Variants in CCDC169 observed in about 807,000 individuals in gnomAD.
CCDC169 encodes the protein coiled-coil domain containing 169.
Under a neutral mutation model 36.0 loss-of-function variants are expected in CCDC169, and 30 were observed. The ratio of observed to expected loss-of-function variants is 0.83; its 90% CI spans 0.62 to 1.13. The LOEUF is 1.13. CCDC169 is among the 50% of genes most tolerant of loss of function. The probability of loss-of-function intolerance (pLI) is 0.00; values close to 1 mark genes in which losing one functional copy is unlikely to be tolerated. For synonymous variants in CCDC169, 85 were observed against 81.5 expected (o/e 1.04, Z -0.23); for missense variants, 245 against 245.9 (o/e 1.00, Z 0.03).
At chr13:36,275,217 TA>T (rs910172430) in intron 4 of CCDC169, among the ~76,000 whole-genome samples, 71 of 147,678 alleles carry the variant, frequency 4.8e-4, no homozygotes, top group African/African-American at 1.4e-3. Context: ...AAAAAAAAAG[TA>T]AAAAAAAAAT....
rs1175693379 is a variant in CCDC169 at position 36,273,854 on chromosome 13, TCTTTAAG to T, written c.315+9608_315+9614del. On this transcript the variant is annotated intron_variant, in intron 4 of 7. Coordinates refer to ENST00000239859, the MANE Select transcript of CCDC169 (RefSeq NM_001144981.3). ...GTCCTTCGTTCTTTCTTCACTATTA[TCTTTAAG>T]CTTTAACACCTTGGTTTCTTCCTCC... Among the ~76,000 whole-genome samples, 9 of 152,306 alleles carry T rather than the reference TCTTTAAG, an allele frequency of 5.9e-5. No homozygotes were observed. In the East Asian group the frequency reaches 9.6e-4, roughly 16 times the overall value.
chr13:36,296,390 G>A (rs1879492946), intron 1 of CCDC169, among the ~76,000 whole-genome samples: 1 of 152,202 alleles, frequency 6.6e-6, no homozygotes, highest in African/African-American at 2.4e-5. Context: ...ACCAGGCCCG[G>A]CCCTTGGAAA....
downstream of CCDC169, chr13:36,227,395 T>C (rs979705575): frequency 6.5e-7 from 1 of 1,533,476 alleles, no homozygotes; most frequent in South Asian, 1.2e-5. Flanking sequence ...TTTGAAGAGA[T>C]GTGAATAGAA....
downstream of CCDC169, chr13:36,226,811 G>A (rs1480269276): frequency 1.2e-5 from 3 of 250,968 alleles, no homozygotes; most frequent in Admixed American, 5.5e-5. Context: ...AGGAAGAAAG[G>A]AGAGCAAACA....
At chr13:36,222,636 G>C (rs1345410462), downstream of CCDC169, 1 of 152,090 alleles carries the variant, frequency 6.6e-6, no homozygotes, top group African/African-American at 2.4e-5. Context: ...CCTAACAAAG[G>C]CTTGAAAAGA....
chr13:36,247,664 T>C (rs1416218669), intron 7 of CCDC169, among the ~76,000 whole-genome samples: 6 of 152,130 alleles, frequency 3.9e-5, no homozygotes, highest in South Asian at 2.1e-4. Context: ...TGCAATCTCA[T>C]GATAAAATTT....
intron 7 of CCDC169, among the ~76,000 whole-genome samples, chr13:36,232,657 G>A (rs1308838290): frequency 7.8e-5 from 5 of 63,812 alleles, no homozygotes; most frequent in African/African-American, 2.1e-4. Flanking sequence ...AAGATGAGCC[G>A]AGATTGCGCC....
intron 4 of CCDC169, among the ~76,000 whole-genome samples, chr13:36,274,023 C>A (rs1876447926): frequency 6.6e-6 from 1 of 152,108 alleles, no homozygotes; most frequent in Non-Finnish European, 1.5e-5. Flanking sequence ...CTGGTGTGGC[C>A]CAGAATTCCC....
At chr13:36,285,780 G>A (rs1878179240) in intron 2 of CCDC169, among the ~76,000 whole-genome samples, 1 of 152,068 alleles carries the variant, frequency 6.6e-6, no homozygotes, top group Non-Finnish European at 1.5e-5. Context: ...ATCAACATGG[G>A]ACAACACAAA....
chr13:36,230,504 CAA>C (rs1166545467), downstream of CCDC169, among the ~76,000 whole-genome samples: 4 of 152,168 alleles, frequency 2.6e-5, no homozygotes, highest in Non-Finnish European at 5.9e-5. Context: ...CCACACATCA[CAA>C]AATGACTTAA....
intron 7 of CCDC169, among the ~76,000 whole-genome samples, chr13:36,242,768 G>A (rs1871992512): frequency 6.6e-6 from 1 of 152,134 alleles, no homozygotes; most frequent in Non-Finnish European, 1.5e-5. Flanking sequence ...GCAGCTGAAT[G>A]GGCAGGTATA....
intron 4 of CCDC169, among the ~76,000 whole-genome samples, chr13:36,258,092 G>C (rs1051438531): frequency 6.6e-6 from 1 of 151,586 alleles, no homozygotes; most frequent in African/African-American, 2.4e-5. Flanking sequence ...TTTGACCCTA[G>C]TTTTCAAATC....
At chr13:36,291,120 C>T (rs1878832100) in intron 2 of CCDC169, among the ~76,000 whole-genome samples, 1 of 152,096 alleles carries the variant, frequency 6.6e-6, no homozygotes, top group Non-Finnish European at 1.5e-5. Flanking sequence ...CACACTATAC[C>T]TTCCCCCAAT....
chr13:36,294,690 T>G (rs1879268621), intron 2 of CCDC169, among the ~76,000 whole-genome samples: 1 of 151,940 alleles, frequency 6.6e-6, no homozygotes, highest in African/African-American at 2.4e-5. Flanking sequence ...GCTCCCCGAG[T>G]AAGCAATTCC....
At chr13:36,238,518 A>C (rs1331664110) in intron 7 of CCDC169, among the ~76,000 whole-genome samples, 1 of 152,166 alleles carries the variant, frequency 6.6e-6, no homozygotes, top group African/African-American at 2.4e-5. Context: ...AATTTTCTTT[A>C]GTTTATTAAT....
intron 4 of CCDC169, among the ~76,000 whole-genome samples, chr13:36,270,062 C>T (rs895104094): frequency 6.6e-6 from 1 of 152,122 alleles, no homozygotes; most frequent in African/African-American, 2.4e-5. Flanking sequence ...ATTTGATAAA[C>T]AAATTGAGTA....
chr13:36,268,822 A>C (rs945172864), intron 4 of CCDC169, among the ~76,000 whole-genome samples: 6 of 152,142 alleles, frequency 3.9e-5, no homozygotes, highest in Admixed American at 1.3e-4. Flanking sequence ...AAGATCATTC[A>C]AGCCAGGCAT....
chr13:36,233,812 T>C (rs2138387508), intron 7 of CCDC169, among the ~76,000 whole-genome samples: 1 of 152,298 alleles, frequency 6.6e-6, no homozygotes, highest in East Asian at 1.9e-4. Flanking sequence ...TCCCCCAAAA[T>C]ATATTTCTTT....
At chr13:36,224,803 G>A (rs1235915544), downstream of CCDC169, 1 of 152,074 alleles carries the variant, frequency 6.6e-6, no homozygotes, top group South Asian at 2.1e-4. Context: ...TAAAATTCAT[G>A]TGGAAGTAAA....
Sources: allele counts gnomAD v4.1 joint callset (sites outside exome capture counted in the v4.1 genomes callset), GRCh38; gene constraint gnomAD v4.1.1; transcripts MANE v1.5; gene names NCBI Gene and HGNC (gene_info 2026-07-23, HGNC 2026-07-21).